Variants in NTNG2 observed in about 807,000 individuals in gnomAD.
NTNG2 encodes netrin-G2.
Under a neutral mutation model 47.6 loss-of-function variants are expected in NTNG2, and 15 were observed. The observed-to-expected ratio is 0.32, with a 90% CI of 0.21 to 0.49. The LOEUF (loss-of-function observed/expected upper bound fraction) is 0.49, where lower values mean the gene tolerates loss of function less well. NTNG2 is among the 20% of genes least tolerant of loss of function. The pLI is 0.99. For missense variants in NTNG2, 578 were observed against 764.6 expected, an observed-to-expected ratio of 0.76 and a Z score of 2.88; for synonymous variants, 307 against 324.6, an observed-to-expected ratio of 0.95 and a Z score of 0.58.
At chr9:132,165,060 G>A (rs1835413244) in intron 1 of NTNG2, among the ~76,000 whole-genome samples, 1 of 152,240 alleles carries the variant, frequency 6.6e-6, no homozygotes, top group African/African-American at 2.4e-5. Context: ...CTGGACATTT[G>A]GGGTGGTTTG....
chr9:132,236,494 TC>T lies in NTNG2; in HGVS notation c.1055-2608del, dbSNP rs1010374705. On this transcript the variant is annotated intron_variant, in intron 5 of 7. Transcript: ENST00000393229. The surrounding 1 kb of genome is among the most constrained non-coding windows in gnomAD (Gnocchi z 4.3). Reference sequence around the variant, plus strand: ...GAGGTCTAGGGAACAGGTGAGCTGTTCCTTCCAGCTCACATGTTCAAATTTC... The same window carrying T: ...GAGGTCTAGGGAACAGGTGAGCTGTTCTTCCAGCTCACATGTTCAAATTTC... 1.1e-4 allele frequency among the ~76,000 whole-genome samples: 17 copies of T among 152,324 alleles called. No individual in the cohort carries two copies. Among genetic ancestry groups the T allele is most frequent in the African/African-American group, 3.8e-4 (16 of 41,582 alleles).
chr9:132,224,799 A>G (rs533928555), intron 3 of NTNG2, among the ~76,000 whole-genome samples: 1 of 152,222 alleles, frequency 6.6e-6, no homozygotes, highest in Non-Finnish European at 1.5e-5. Context: ...GGTGTCTGCC[A>G]TGATGAACCT....
chr9:132,195,573 C>T (rs1332347653), intron 2 of NTNG2, among the ~76,000 whole-genome samples: 2 of 149,282 alleles, frequency 1.3e-5, no homozygotes, highest in African/African-American at 2.5e-5. Flanking sequence ...GTGATCCACC[C>T]GCCTCGGCCT....
intron 2 of NTNG2, among the ~76,000 whole-genome samples, chr9:132,169,557 C>G (rs950706103): frequency 6.6e-6 from 1 of 152,252 alleles, no homozygotes; most frequent in African/African-American, 2.4e-5. Flanking sequence ...GCCAACATCA[C>G]TCCGTTGAGA....
In NTNG2 at chr9:132,215,624, C is replaced by G. The variant is rs750683786; in HGVS notation, c.858-11225C>G. ...AGGATAAATATCTGGCAATATGTTACTGAATCCTCCAAGAGGCCAGGGGGT... is the reference window on the plus strand; with the variant it reads ...AGGATAAATATCTGGCAATATGTTAGTGAATCCTCCAAGAGGCCAGGGGGT... On this transcript the variant is annotated intron_variant, in intron 3 of 7. Coordinates refer to ENST00000393229, the MANE Select transcript of NTNG2 (RefSeq NM_032536.4). This position sits in a 1 kb window ranked among gnomAD's most constrained non-coding sequence, Gnocchi z 4.2. Among the ~76,000 whole-genome samples the G allele has an allele frequency of 6.6e-6, 1 of 152,050 alleles. No individual in the cohort carries two copies. The highest frequency in any genetic ancestry group is 2.4e-5 in the African/African-American group (1 of 41,418).
intron 2 of NTNG2, among the ~76,000 whole-genome samples, chr9:132,174,375 C>T (rs1444111626): frequency 2.1e-5 from 3 of 146,208 alleles, no homozygotes; most frequent in Admixed American, 6.6e-5. Context: ...GACAGATGGA[C>T]GGACGGACAG....
At chr9:132,171,064 G>C (rs551142853) in intron 2 of NTNG2, among the ~76,000 whole-genome samples, 1 of 152,132 alleles carries the variant, frequency 6.6e-6, no homozygotes, top group African/African-American at 2.4e-5. Flanking sequence ...GATGGAGCTG[G>C]GAGCCGAGAT....
chr9:132,201,217 C>T (rs1389739586), intron 3 of NTNG2, among the ~76,000 whole-genome samples: 2 of 152,260 alleles, frequency 1.3e-5, no homozygotes, highest in Non-Finnish European at 2.9e-5. Flanking sequence ...TCAAACCCTG[C>T]CTCTCTGCAT....
At chr9:132,240,235 A>T (rs1279160453) in intron 6 of NTNG2, among the ~76,000 whole-genome samples, 6 of 152,100 alleles carry the variant, frequency 3.9e-5, no homozygotes, top group Non-Finnish European at 7.4e-5. Context: ...AATTCCATCA[A>T]CTCTAAGTGA....
chr9:132,172,092 C>G (rs1835966110), intron 2 of NTNG2, among the ~76,000 whole-genome samples: 4 of 152,218 alleles, frequency 2.6e-5, no homozygotes, highest in Admixed American at 2.6e-4. Flanking sequence ...GAGGGCGTGC[C>G]CCTCCCCATG....
chr9:132,217,296 G>A (rs917112293), intron 3 of NTNG2, among the ~76,000 whole-genome samples: 3 of 152,196 alleles, frequency 2.0e-5, no homozygotes, highest in Non-Finnish European at 4.4e-5. Flanking sequence ...CCAGAATAGG[G>A]CAGAGAAATC....
At chr9:132,206,984 C>T (rs545196176) in intron 3 of NTNG2, among the ~76,000 whole-genome samples, 4 of 152,296 alleles carry the variant, frequency 2.6e-5, no homozygotes, top group East Asian at 3.9e-4. Context: ...CTGGGTGGGG[C>T]GGAGAGGGCA....
intron 3 of NTNG2, among the ~76,000 whole-genome samples, chr9:132,198,909 A>T (rs949694252): frequency 6.6e-6 from 1 of 152,028 alleles, no homozygotes; most frequent in African/African-American, 2.4e-5. Context: ...TTGGGATGTT[A>T]TCTGGTACCT....
intron 3 of NTNG2, among the ~76,000 whole-genome samples, chr9:132,217,551 CT>C (rs1225622989): frequency 6.6e-6 from 1 of 152,194 alleles, no homozygotes; most frequent in Non-Finnish European, 1.5e-5. Context: ...TCATAGTATA[CT>C]CTGCATAAGG....
chr9:132,205,504 A>G lies in NTNG2; in HGVS notation c.857+6895A>G, dbSNP rs375091265. Among the ~76,000 whole-genome samples the G allele has an allele frequency of 2.6e-5, 4 of 152,318 alleles. No individual in the cohort carries two copies. In the East Asian group the frequency reaches 7.7e-4, roughly 29 times the overall value. Reference sequence around the variant, plus strand: ...TTAATGGAGACAGCTTCAGTTTGCGATGATTTAAAGTTCTGGAGAGGGATG... The same window carrying G: ...TTAATGGAGACAGCTTCAGTTTGCGGTGATTTAAAGTTCTGGAGAGGGATG... On this transcript the variant is annotated intron_variant, in intron 3 of 7. Coordinates refer to ENST00000393229, the MANE Select transcript of NTNG2 (RefSeq NM_032536.4).
At chr9:132,179,189 G>A (rs1156892283) in intron 2 of NTNG2, among the ~76,000 whole-genome samples, 2 of 152,196 alleles carry the variant, frequency 1.3e-5, no homozygotes, top group African/African-American at 4.8e-5. Flanking sequence ...CACGTGCCCT[G>A]GATCTGACTT....
intron 3 of NTNG2, among the ~76,000 whole-genome samples, chr9:132,223,821 C>A (rs1411799200): frequency 6.6e-6 from 1 of 152,152 alleles, no homozygotes; most frequent in Admixed American, 6.5e-5. Flanking sequence ...GCAGCCACAG[C>A]GTTATAAAAT....
chr9:132,170,463 G>C (rs1403238508), intron 2 of NTNG2, among the ~76,000 whole-genome samples: 1 of 152,210 alleles, frequency 6.6e-6, no homozygotes, highest in African/African-American at 2.4e-5. Context: ...AAGGCTGCAG[G>C]CCGAGAAGGA....
At chr9:132,241,132 G>C in intron 7 of NTNG2, 88 bp downstream of exon 7, 5 of 1,435,008 alleles carry the variant, frequency 3.5e-6, no homozygotes, top group Non-Finnish European at 2.8e-6. Flanking sequence ...GTGGGACGGG[G>C]CAGGGGCGGT....
Sources: gnomAD v4.1 joint callset for allele counts (sites outside exome capture counted in the v4.1 genomes callset) on GRCh38, gnomAD v4.1.1 for gene constraint, Gnocchi (gnomAD v3.1) non-coding constraint, MANE v1.5 for transcripts, NCBI Gene and HGNC (gene_info 2026-07-23, HGNC 2026-07-21) for gene names.